The following PPP4R4 variants were observed in gnomAD, a reference collection of about 807,000 sequenced individuals.
PPP4R4 encodes the protein serine/threonine-protein phosphatase 4 regulatory subunit 4.
In PPP4R4, 70 loss-of-function variants were observed where a neutral mutation model predicts 121.8. The observed-to-expected ratio is 0.57, with a 90% confidence interval of 0.47 to 0.70. The LOEUF is 0.70. PPP4R4 is among the 30% of genes least tolerant of loss of function. The pLI, the probability that PPP4R4 is intolerant of heterozygous loss-of-function variation, is 0.00. For missense variants in PPP4R4, 875 were observed against 1,033.6 expected, an observed-to-expected ratio of 0.85 and a Z score of 2.10; for synonymous variants, 348 against 355.7, an observed-to-expected ratio of 0.98 and a Z score of 0.24.
intron 18 of PPP4R4, 71 bp downstream of exon 18, chr14:94,258,895 G>T: frequency 1.5e-6 from 2 of 1,347,448 alleles, no homozygotes; most frequent in Non-Finnish European, 2.1e-6. Context: ...ACCCAAGACT[G>T]GGCAATTTAC....
At chr14:94,179,140 A>G (rs1567100225) in intron 2 of PPP4R4, among the ~76,000 whole-genome samples, 1 of 152,226 alleles carries the variant, frequency 6.6e-6, no homozygotes, top group African/African-American at 2.4e-5. Context: ...GTATATTCAC[A>G]GAATTGTGCA....
chr14:94,274,975 T>TA (rs1249959436), intron 23 of PPP4R4, among the ~76,000 whole-genome samples: 4 of 152,338 alleles, frequency 2.6e-5, no homozygotes, highest in Non-Finnish European at 5.9e-5. Context: ...GAAGTATTGA[T>TA]ACATAAAACA....
At chr14:94,238,509 A>G (rs1288481440) in intron 8 of PPP4R4, among the ~76,000 whole-genome samples, 1 of 152,160 alleles carries the variant, frequency 6.6e-6, no homozygotes, top group Admixed American at 6.5e-5. Context: ...TCTCATGGCC[A>G]TTGGGGGAGA....
chr14:94,236,304 T>C (rs73344810), intron 7 of PPP4R4, among the ~76,000 whole-genome samples: 4,989 of 152,312 alleles, frequency 0.033, 228 homozygotes, highest in African/African-American at 0.097. Flanking sequence ...ACTATAGAGA[T>C]GAAATTATTT....
chr14:94,259,474 CT>C, intron 19 of PPP4R4, 105 bp downstream of exon 19: 1 of 1,327,596 alleles, frequency 7.5e-7, no homozygotes, highest in South Asian at 2.1e-5. Context: ...TCACATTACT[CT>C]TTTTTCTTCT....
chr14:94,226,636 T>C (rs1336296656), intron 3 of PPP4R4, among the ~76,000 whole-genome samples: 2 of 152,162 alleles, frequency 1.3e-5, no homozygotes, highest in African/African-American at 4.8e-5. Flanking sequence ...TACACTATTA[T>C]GTTAATTACT....
intron 3 of PPP4R4, among the ~76,000 whole-genome samples, chr14:94,218,718 C>CT (rs1240182309): frequency 1.1e-4 from 16 of 143,374 alleles, no homozygotes; most frequent in Admixed American, 3.4e-4. Context: ...CACACCCTCA[C>CT]CCCTAGACAC....
At chr14:94,227,843 G>A (rs989941390) in intron 3 of PPP4R4, 2 of 986,466 alleles carry the variant, frequency 2.0e-6, no homozygotes, top group African/African-American at 3.5e-5. Context: ...TGTGCCTTCT[G>A]AAACCTGTAA....
intron 19 of PPP4R4, among the ~76,000 whole-genome samples, chr14:94,260,692 G>A (rs1893739461): frequency 6.6e-6 from 1 of 151,978 alleles, no homozygotes; most frequent in Admixed American, 6.6e-5. Flanking sequence ...TGAGAGGTAA[G>A]AGCTTTTAAT....
At chr14:94,231,463 A>G (rs978840160) in intron 5 of PPP4R4, 148 bp downstream of exon 5, 9 of 606,774 alleles carry the variant, frequency 1.5e-5, no homozygotes, top group Non-Finnish European at 2.3e-5. Flanking sequence ...TTTGAGAAAT[A>G]TAAAATATAG....
At chr14:94,208,268 TA>T (rs1315982430) in intron 2 of PPP4R4, among the ~76,000 whole-genome samples, 195 bp from the exon 3 acceptor site, 1 of 152,050 alleles carries the variant, frequency 6.6e-6, no homozygotes, top group African/African-American at 2.4e-5. Context: ...ATGTATTTGT[TA>T]TAAGATTTGC....
At chr14:94,218,498 C>T (rs541087582) in intron 3 of PPP4R4, among the ~76,000 whole-genome samples, 1 of 105,960 alleles carries the variant, frequency 9.4e-6, no homozygotes, top group African/African-American at 4.0e-5. Context: ...CCCCTAGACA[C>T]CGCACGCGCG....
chr14:94,266,008 A>G, intron 22 of PPP4R4, 121 bp downstream of exon 22: 1 of 654,200 alleles, frequency 1.5e-6, no homozygotes. Flanking sequence ...ATAGGCCAGT[A>G]TTTTGTGAGT....
intron 14 of PPP4R4, among the ~76,000 whole-genome samples, chr14:94,249,512 A>T (rs1893070958): frequency 6.6e-6 from 1 of 152,102 alleles, no homozygotes; most frequent in South Asian, 2.1e-4. Flanking sequence ...TATACTGGAC[A>T]CAATACGTCT....
intron 3 of PPP4R4, among the ~76,000 whole-genome samples, chr14:94,219,888 C>A (rs551409108): frequency 6.6e-6 from 1 of 152,180 alleles, no homozygotes; most frequent in Non-Finnish European, 1.5e-5. Context: ...TTGAGCCCAA[C>A]AGTTTTAGTC....
chr14:94,240,146 T>A (rs1226101478), intron 8 of PPP4R4, among the ~76,000 whole-genome samples: 1 of 152,182 alleles, frequency 6.6e-6, no homozygotes, highest in Non-Finnish European at 1.5e-5. Context: ...TGTACTCAAA[T>A]AATTGATTAA....
chr14:94,198,952 C>A (rs1890023553), intron 2 of PPP4R4, among the ~76,000 whole-genome samples: 1 of 152,168 alleles, frequency 6.6e-6, no homozygotes, highest in Non-Finnish European at 1.5e-5. Flanking sequence ...TAAAATCAAA[C>A]CTGCTAGTAT....
At chr14:94,250,841 T>C (rs1023312243) in intron 15 of PPP4R4, among the ~76,000 whole-genome samples, 1 of 152,000 alleles carries the variant, frequency 6.6e-6, no homozygotes, top group Non-Finnish European at 1.5e-5. Context: ...ATATACTTAG[T>C]GAGTTTGTTA....
chr14:94,198,257 G>A (rs1470229415), intron 2 of PPP4R4, among the ~76,000 whole-genome samples: 1 of 152,076 alleles, frequency 6.6e-6, no homozygotes, highest in Non-Finnish European at 1.5e-5. Context: ...ATCTCATTGT[G>A]GTTGTAATGT....
Sources: allele counts gnomAD v4.1 joint callset (sites outside exome capture counted in the v4.1 genomes callset), GRCh38; gene constraint gnomAD v4.1.1; transcripts MANE v1.5; gene names NCBI Gene and HGNC (gene_info 2026-07-23, HGNC 2026-07-21).